TMEM65: variants seen among roughly 807,000 people sequenced by gnomAD.
The protein encoded by TMEM65 is transmembrane protein 65.
Under a neutral mutation model 25.4 loss-of-function variants are expected in TMEM65, and 22 were observed. That is an observed-to-expected ratio of 0.86 (90% CI 0.62 to 1.23). The LOEUF (loss-of-function observed/expected upper bound fraction) is 1.23, where lower values mean the gene tolerates loss of function less well. Ranked by LOEUF, TMEM65 falls within the 50% of genes most tolerant of loss-of-function variation. The pLI, the probability that TMEM65 is intolerant of heterozygous loss-of-function variation, is 0.00. For synonymous variants in TMEM65, 132 were observed against 126.2 expected, an observed-to-expected ratio of 1.05 and a Z score of -0.31; for missense variants, 262 against 308.2, an observed-to-expected ratio of 0.85 and a Z score of 1.12.
intron 1 of TMEM65, among the ~76,000 whole-genome samples, chr8:124,367,311 TA>T (rs1814951605): frequency 6.6e-6 from 1 of 151,978 alleles, no homozygotes; most frequent in East Asian, 1.9e-4. Flanking sequence ...CCACCTCTAC[TA>T]AAAATACAAA....
chr8:124,311,450 A>G lies in TMEM65; in HGVS notation c.*2510T>C, dbSNP rs1563587126. On this transcript the variant is annotated 3_prime_UTR_variant, in exon 7 of 7. Coordinates refer to ENST00000297632, the MANE Select transcript of TMEM65 (RefSeq NM_194291.3). ...GTAAAAACATTGGTCACCATTTAAC[A>G]TACATGGCAACAAAATGCACCCAAT... is the stretch of plus-strand genomic sequence containing the variant. 6.6e-6 allele frequency: 1 copy of G among 152,542 alleles called. No homozygotes were observed. The highest frequency in any genetic ancestry group is 1.9e-4 in the East Asian group (1 of 5,204). The allele number at this position is 152,542 out of a possible 1,614,324, so 9.4% of individuals were successfully genotyped here.
chr8:124,358,210 T>C (rs568293047), intron 1 of TMEM65, among the ~76,000 whole-genome samples: 1 of 152,266 alleles, frequency 6.6e-6, no homozygotes, highest in Non-Finnish European at 1.5e-5. Context: ...TATTAATCTA[T>C]AAAATAGAGA....
Position 124,371,982 on chromosome 8 carries a change from T to C in TMEM65, c.176A>G (p.Lys59Arg). Reference sequence around the variant, plus strand: ...GTTCAGCGCCTCCATGGGCTCCTTCTTGGGGTGCGTGCCCAGCCGCCTGGG... The same window carrying C: ...GTTCAGCGCCTCCATGGGCTCCTTCCTGGGGTGCGTGCCCAGCCGCCTGGG... ...GGPRRLGTHPKKEPMEALNTA... is the reference protein window; with the variant it reads ...GGPRRLGTHPRKEPMEALNTA... Residue 59 changes from lysine to arginine, a missense_variant, in exon 1 of 7, where the codon AAG (lysine) becomes AGG (arginine). Coordinates refer to ENST00000297632, the MANE Select transcript of TMEM65 (RefSeq NM_194291.3). 3 of 1,453,682 alleles carry C rather than the reference T, an allele frequency of 2.1e-6. No homozygotes were observed. The South Asian group carries it at 4.0e-5, about 20-fold the overall frequency. 90.0% of individuals were successfully genotyped at this position (1,453,682 alleles called of 1,614,324 possible). A position where few individuals can be genotyped will look rare whatever the true frequency, so the allele number is the denominator to read the frequency against.
chr8:124,357,893 G>C (rs1421893553), intron 1 of TMEM65, among the ~76,000 whole-genome samples: 4 of 128,112 alleles, frequency 3.1e-5, no homozygotes, highest in Admixed American at 1.9e-4. Flanking sequence ...GCAATGGCAT[G>C]ATCTCAGCTC....
At chr8:124,369,980 A>G (rs1814991160) in intron 1 of TMEM65, among the ~76,000 whole-genome samples, 1 of 152,184 alleles carries the variant, frequency 6.6e-6, no homozygotes, top group Admixed American at 6.5e-5. Flanking sequence ...AATATCCTTG[A>G]CTGTTTCTCC....
chr8:124,336,464 A>G (rs1814507751), intron 1 of TMEM65, among the ~76,000 whole-genome samples: 1 of 152,024 alleles, frequency 6.6e-6, no homozygotes, highest in African/African-American at 2.4e-5. Flanking sequence ...TGATCCACAA[A>G]ACATGTTAAT....
rs2131190265 is a variant in TMEM65 at position 124,312,569 on chromosome 8, CCATGATGTGTTT to C, written c.*1379_*1390del. On this transcript the variant is annotated 3_prime_UTR_variant, in exon 7 of 7. Coordinates refer to ENST00000297632, the MANE Select transcript of TMEM65 (RefSeq NM_194291.3). ...TATTTTAATTTTAAGTTTCTCTCCT[CCATGATGTGTTT>C]AATTACGCTGTTACAAGTAAGACTA... 1 of 151,964 alleles carries C rather than the reference CCATGATGTGTTT, an allele frequency of 6.6e-6. No homozygotes were observed. Among genetic ancestry groups the C allele is most frequent in the East Asian group, 1.9e-4 (1 of 5,180 alleles). 9.4% of individuals were successfully genotyped at this position (151,964 alleles called of 1,614,324 possible).
chr8:124,349,878 T>A (rs2131218671), intron 1 of TMEM65, among the ~76,000 whole-genome samples: 1 of 152,282 alleles, frequency 6.6e-6, no homozygotes, highest in African/African-American at 2.4e-5. Flanking sequence ...ATAAGTATCT[T>A]ATTCTTAATA....
intron 1 of TMEM65, chr8:124,351,248 A>G (rs1814704016): frequency 2.4e-6 from 1 of 409,340 alleles, no homozygotes; most frequent in South Asian, 1.0e-4. Flanking sequence ...TTTGCACAGT[A>G]ATGTGGGGTC....
At chr8:124,342,859 T>G (rs1034770843) in intron 1 of TMEM65, among the ~76,000 whole-genome samples, 3 of 152,176 alleles carry the variant, frequency 2.0e-5, no homozygotes, top group African/African-American at 7.2e-5. Flanking sequence ...TTCTAGCACC[T>G]AATGAATCAT....
rs937858891 is a variant in TMEM65, at chr8:124,327,205, A to G, written c.417+149T>C. 6.7e-6 allele frequency: 4 copies of G among 593,992 alleles called. No homozygotes were observed. In the African/African-American group the frequency reaches 7.9e-5, roughly 12 times the overall value. The allele number at this position is 593,992 out of a possible 1,614,324, so 36.8% of individuals were successfully genotyped here. A position where few individuals can be genotyped will look rare whatever the true frequency, so the allele number is the denominator to read the frequency against. On this transcript the variant is annotated intron_variant, in intron 3 of 6. Transcript: ENST00000297632. ...ATAAATATTAAATATAGCTTAATTA[A>G]AATTGAGCTATAGTCTGAGATATAG... is the stretch of plus-strand genomic sequence containing the variant.
In TMEM65 at chr8:124,307,587, G is replaced by A. The variant is rs1462997867; in HGVS notation, c.*6373C>T. 3 of 151,916 alleles carry A rather than the reference G, an allele frequency of 2.0e-5. No homozygotes were observed. The East Asian group carries it at 5.8e-4, about 29-fold the overall frequency. 9.4% of individuals were successfully genotyped at this position (151,916 alleles called of 1,614,324 possible). A position where few individuals can be genotyped will look rare whatever the true frequency, so the allele number is the denominator to read the frequency against. ...GGTGCAGTATTGCTACAAGAAAGAC[G>A]TACCTATAGGCTCTAATATGATTGG... On this transcript the variant is annotated 3_prime_UTR_variant, in exon 7 of 7. Transcript: ENST00000297632.
Position 124,310,602 on chromosome 8 carries a change from A to G in TMEM65, c.*3358T>C, listed in dbSNP as rs1814144815. On this transcript the variant is annotated 3_prime_UTR_variant, in exon 7 of 7. Transcript: ENST00000297632. ...TTAATGTTGTCATTAAGGTGATTAA[A>G]TGCAATAATGTGTGTAAATTACTAG... 3 of 152,204 alleles carry G rather than the reference A, an allele frequency of 2.0e-5. No individual in the cohort carries two copies. 9.4% of individuals were successfully genotyped at this position (152,204 alleles called of 1,614,324 possible).
chr8:124,369,802 G>A (rs1474849670), intron 1 of TMEM65, among the ~76,000 whole-genome samples: 1 of 152,156 alleles, frequency 6.6e-6, no homozygotes, highest in Admixed American at 6.5e-5. Context: ...ACTGAAAACA[G>A]TAAGTGAACA....
At chr8:124,368,628 T>G (rs1232546485) in intron 1 of TMEM65, among the ~76,000 whole-genome samples, 1 of 152,200 alleles carries the variant, frequency 6.6e-6, no homozygotes, top group Admixed American at 6.5e-5. Context: ...CCCACTGCCA[T>G]GTCATGAGAA....
chr8:124,366,137 G>A (rs767288226), intron 1 of TMEM65, among the ~76,000 whole-genome samples: 2 of 152,152 alleles, frequency 1.3e-5, no homozygotes, highest in Non-Finnish European at 2.9e-5. Flanking sequence ...CAGGAGAATC[G>A]CTTGAACCCG....
chr8:124,362,655 C>A (rs1270505398), intron 1 of TMEM65, among the ~76,000 whole-genome samples: 2 of 3,320 alleles, frequency 6.0e-4, no homozygotes, highest in Non-Finnish European at 1.1e-3. Context: ...GAGCAAGACT[C>A]TTGTCTCAAA....
At chr8:124,318,693 AATAG>A (rs1420581076) in intron 6 of TMEM65, among the ~76,000 whole-genome samples, 1 of 152,106 alleles carries the variant, frequency 6.6e-6, no homozygotes, top group Non-Finnish European at 1.5e-5. Context: ...TTTACACAAT[AATAG>A]ATAGGTCTAA....
At chr8:124,318,548 G>T (rs886785650) in intron 6 of TMEM65, among the ~76,000 whole-genome samples, 5 of 151,324 alleles carry the variant, frequency 3.3e-5, no homozygotes, top group Admixed American at 1.3e-4. Flanking sequence ...GCTAATTTTT[G>T]TATTTTCAAT....
Sources: gnomAD v4.1 joint callset for allele counts (sites outside exome capture counted in the v4.1 genomes callset) on GRCh38, gnomAD v4.1.1 for gene constraint, MANE v1.5 for transcripts, NCBI Gene and HGNC (gene_info 2026-07-23, HGNC 2026-07-21) for gene names.